The following ASRGL1 variants were observed in gnomAD, a reference collection of about 807,000 sequenced individuals.
ASRGL1 encodes isoaspartyl peptidase/L-asparaginase.
ASRGL1 carries 16 observed loss-of-function variants against 22.4 expected under a neutral mutation model. That is an observed-to-expected ratio of 0.71 (90% confidence interval 0.48 to 1.08). The LOEUF (loss-of-function observed/expected upper bound fraction) is 1.08. Among genes scored for constraint, ASRGL1 ranks in the 50% least tolerant of loss-of-function variants. The pLI is 0.00. For synonymous variants in ASRGL1, 165 were observed against 159.3 expected, an observed-to-expected ratio of 1.04 and a Z score of -0.27; for missense variants, 412 against 410.1, an observed-to-expected ratio of 1.00 and a Z score of -0.04.
At position 62,371,339 on chromosome 11, in the gene ASRGL1, G is replaced by A. The variant is rs553554656; in HGVS notation, c.491+14195G>A. 8 of 1,121,464 alleles carry A rather than the reference G, an allele frequency of 7.1e-6. No individual in the cohort carries two copies. The Admixed American group carries it at 1.8e-4, about 25-fold the overall frequency. The allele number at this position is 1,121,464 out of a possible 1,614,324, so 69.5% of individuals were successfully genotyped here. ...GACGGGGCCCCCGGCAGGGGCAAGC[G>A]CGCGGCGCAGCCTGTGGCAGCAGGC... On this transcript the variant is annotated intron_variant, in intron 4 of 6. Coordinates refer to ENST00000415229, the MANE Select transcript of ASRGL1 (RefSeq NM_001083926.2).
At chr11:62,386,467 A>G (rs1022488489) in intron 4 of ASRGL1, among the ~76,000 whole-genome samples, 2 of 149,002 alleles carry the variant, frequency 1.3e-5, no homozygotes, top group Non-Finnish European at 2.9e-5. Context: ...TATCATACAT[A>G]TCATAGATAT....
At chr11:62,396,536 A>G (rs954243039), downstream of ASRGL1, among the ~76,000 whole-genome samples, 3 of 152,184 alleles carry the variant, frequency 2.0e-5, no homozygotes, top group Admixed American at 6.5e-5. Flanking sequence ...AGTTTAACTC[A>G]GCCTTCCCTA....
In ASRGL1 at chr11:62,362,546, A is replaced by ATG. The variant is rs1946470199; in HGVS notation, c.491+5403_491+5404insGT. ...TTATATAATATATATTATATAAAATATATAACATATATTATTTATATAATA... is the reference window on the plus strand; with the variant it reads ...TTATATAATATATATTATATAAAATATGTATAACATATATTATTTATATAATA... On this transcript the variant is annotated intron_variant, in intron 4 of 6. Transcript: ENST00000415229. Among the ~76,000 whole-genome samples, 3 of 17,226 alleles carry ATG rather than the reference A, an allele frequency of 1.7e-4. 1 individual carries two copies. The highest frequency in any genetic ancestry group is 3.4e-4 in the Non-Finnish European group (3 of 8,818). 11.3% of individuals were successfully genotyped at this position (17,226 alleles called of 152,430 possible).
intron 4 of ASRGL1, chr11:62,382,479 C>T (rs1947095612): frequency 6.6e-6 from 1 of 151,920 alleles, no homozygotes. Flanking sequence ...TCGCTAGCAC[C>T]TCTCACCTCC....
intron 2 of ASRGL1, among the ~76,000 whole-genome samples, chr11:62,341,579 G>A (rs1393493835): frequency 6.6e-6 from 1 of 152,142 alleles, no homozygotes; most frequent in African/African-American, 2.4e-5. Flanking sequence ...CTGTAGTGGG[G>A]TCTAGGAATT....
At chr11:62,400,264 G>T in the ASRGL1 span, among the ~76,000 whole-genome samples, 1 of 152,226 alleles carries the variant, frequency 6.6e-6, no homozygotes, top group African/African-American at 2.4e-5. Context: ...GGGAACAGTA[G>T]TAACCTCTCT....
At chr11:62,383,602 CAAAAAAAAAA>C (rs35096038) in intron 4 of ASRGL1, among the ~76,000 whole-genome samples, 7 of 21,930 alleles carry the variant, frequency 3.2e-4, no homozygotes, top group East Asian at 1.8e-3. Flanking sequence ...GACTCCTACT[CAAAAAAAAAA>C]AAAAAAAAAA....
In ASRGL1 at chr11:62,392,200, C is replaced by T; in HGVS notation, c.843C>T (p.Thr281=). The change falls in exon 7 of 7, where the codon ACC becomes ACT. Residue 281 remains threonine, a synonymous_variant. Transcript: ENST00000415229. Reference sequence around the variant, plus strand: ...ACTGGGTGGCAAAGTGGACCTCCACCTCCATGCCCTGGGCAGCCGCCAAGG... The same window carrying T: ...ACTGGGTGGCAAAGTGGACCTCCACTTCCATGCCCTGGGCAGCCGCCAAGG... ...TGDWVAKWTS[T]SMPWAAAKDG... 6.2e-7 allele frequency: 1 copy of T among 1,614,210 alleles called. No individual in the cohort carries two copies. The highest frequency in any genetic ancestry group is 8.5e-7 in the Non-Finnish European group (1 of 1,180,028).
chr11:62,384,383 TAA>T (rs1947153385), intron 4 of ASRGL1, among the ~76,000 whole-genome samples: 1 of 152,058 alleles, frequency 6.6e-6, no homozygotes, highest in Non-Finnish European at 1.5e-5. Flanking sequence ...TACACGCCTG[TAA>T]TCTCAGCTGT....
intron 4 of ASRGL1, among the ~76,000 whole-genome samples, chr11:62,357,415 C>CT (rs1565159115): frequency 1.5e-5 from 2 of 132,624 alleles, no homozygotes; most frequent in South Asian, 5.0e-4. Flanking sequence ...GCACCCGGCT[C>CT]ATTTTTTTTT....
chr11:62,380,878 T>G (rs1023861812), intron 4 of ASRGL1, among the ~76,000 whole-genome samples: 2 of 152,190 alleles, frequency 1.3e-5, no homozygotes, highest in African/African-American at 4.8e-5. Flanking sequence ...AATATCTCCT[T>G]GTTTCCTTGC....
intron 4 of ASRGL1, among the ~76,000 whole-genome samples, chr11:62,362,834 A>ACACACACACACACT (rs1399877381): frequency 8.2e-6 from 1 of 122,020 alleles, no homozygotes; most frequent in African/African-American, 3.1e-5. Context: ...ACACACACAC[A>ACACACACACACACT]CACACACACA....
intron 2 of ASRGL1, among the ~76,000 whole-genome samples, chr11:62,349,550 TCA>T (rs1376953409): frequency 1.3e-5 from 2 of 152,156 alleles, no homozygotes; most frequent in African/African-American, 2.4e-5. Flanking sequence ...TCCTTGTAAA[TCA>T]CAGTATGACA....
chr11:62,343,918 C>CTTTTTTTTTTTTTTT (rs34446979), intron 2 of ASRGL1, among the ~76,000 whole-genome samples: 1 of 100,648 alleles, frequency 9.9e-6, no homozygotes, highest in South Asian at 3.5e-4. Flanking sequence ...TCATGCATTT[C>CTTTTTTTTTTTTTTT]TTTTTTTTTT....
intron 2 of ASRGL1, among the ~76,000 whole-genome samples, chr11:62,345,628 A>G (rs1177967606): frequency 6.6e-6 from 1 of 152,138 alleles, no homozygotes; most frequent in Non-Finnish European, 1.5e-5. Context: ...CTTCTGTCCA[A>G]TGTGGCTACA....
intron 2 of ASRGL1, among the ~76,000 whole-genome samples, chr11:62,355,835 G>T (rs1221079695): frequency 6.6e-6 from 1 of 152,096 alleles, no homozygotes; most frequent in Non-Finnish European, 1.5e-5. Context: ...TAACGAGCAT[G>T]CTGCCTTCGA....
rs60507577 is a variant in ASRGL1 at position 62,362,891 on chromosome 11, A to ATTTTTTTTTTTT, written c.491+5781_491+5792dup. The stretch of plus-strand genomic sequence containing the variant: ...GGCTACTTCACCTTTAAAGGATTTA[A>ATTTTTTTTTTTT]TTTTTTTTTTTTTTTTTTTTTTTTT... On this transcript the variant is annotated intron_variant, in intron 4 of 6. Transcript: ENST00000415229. 7.9e-5 allele frequency among the ~76,000 whole-genome samples: 4 copies of ATTTTTTTTTTTT among 50,364 alleles called. 1 individual carries two copies. The highest frequency in any genetic ancestry group is 3.9e-4 in the African/African-American group (4 of 10,256). The allele number at this position is 50,364 out of a possible 152,430, so 33.0% of individuals were successfully genotyped here.
At chr11:62,370,817 T>G (rs1404594955) in intron 4 of ASRGL1, among the ~76,000 whole-genome samples, 1 of 152,140 alleles carries the variant, frequency 6.6e-6, no homozygotes, top group Admixed American at 6.5e-5. Flanking sequence ...GGAATTTCCG[T>G]GGGGCAAGGT....
chr11:62,353,510 A>AT (rs199736951), intron 2 of ASRGL1, among the ~76,000 whole-genome samples: 305 of 150,152 alleles, frequency 2.0e-3, no homozygotes, highest in African/African-American at 6.7e-3. Context: ...TGCCCAGCTA[A>AT]TTTTTTTTTA....
Sources: allele counts gnomAD v4.1 joint callset (sites outside exome capture counted in the v4.1 genomes callset), GRCh38; gene constraint gnomAD v4.1.1; transcripts MANE v1.5; gene names NCBI Gene and HGNC (gene_info 2026-07-23, HGNC 2026-07-21).